PRKDC: variants seen among roughly 807,000 people sequenced by gnomAD.
PRKDC encodes the protein DNA-dependent protein kinase catalytic subunit.
PRKDC carries 82 observed loss-of-function variants against 486.9 expected under a neutral mutation model. The observed-to-expected ratio is 0.17, with a 90% CI of 0.14 to 0.20. The LOEUF (loss-of-function observed/expected upper bound fraction) is 0.20, where lower values mean the gene tolerates loss of function less well. Among genes scored for constraint, PRKDC ranks in the 10% least tolerant of loss-of-function variants. The pLI is 1.00. For missense variants in PRKDC, 4,504 were observed against 5,038.2 expected (o/e 0.89, Z 3.21); for synonymous variants, 1,895 against 1,837.0 (o/e 1.03, Z -0.81).
chr8:47,807,426 C>CT (rs892386857), intron 68 of PRKDC, 100 bp from the exon 69 acceptor site: 8,972 of 988,800 alleles, frequency 9.1e-3, no homozygotes, highest in South Asian at 0.012. Flanking sequence ...AATGTTTGTT[C>CT]TTTTTTTTTT....
chr8:47,871,554 A>C (rs1262872828), intron 40 of PRKDC, among the ~76,000 whole-genome samples: 2 of 152,236 alleles, frequency 1.3e-5, no homozygotes, highest in Non-Finnish European at 2.9e-5. Context: ...CAATACCACA[A>C]GATAAATGCT....
chr8:47,828,792 T>C (rs999452673), intron 61 of PRKDC, among the ~76,000 whole-genome samples: 6 of 152,226 alleles, frequency 3.9e-5, no homozygotes, highest in African/African-American at 1.4e-4. Flanking sequence ...ATCAGCACCA[T>C]GGTAAAGCTT....
rs563136393 is a variant in PRKDC, at chr8:47,942,965, C to T, written c.966+244G>A. On this transcript the variant is annotated intron_variant, in intron 10 of 85. Transcript: ENST00000314191. ...AGCCCTTCCGGCCATCACCTCACCA[C>T]GTCTTTGCTCCATTACACTTGTCTC... Among the ~76,000 whole-genome samples, 6 of 152,340 alleles carry T rather than the reference C, an allele frequency of 3.9e-5. No individual in the cohort carries two copies. The South Asian group carries it at 6.2e-4, about 16-fold the overall frequency.
At chr8:47,893,109 A>T in intron 31 of PRKDC, 30 bp downstream of exon 31, 1 of 1,544,110 alleles carries the variant, frequency 6.5e-7, no homozygotes, top group Non-Finnish European at 8.8e-7. Context: ...GCAGCACGAC[A>T]CACACCAGAA....
At chr8:47,774,470 C>T (rs72646391) in intron 85 of PRKDC, 93 bp from the exon 86 acceptor site, 133 of 1,161,678 alleles carry the variant, frequency 1.1e-4, no homozygotes, top group South Asian at 1.4e-4. Context: ...ACATTCCCCA[C>T]GTCATCACTC....
intron 61 of PRKDC, among the ~76,000 whole-genome samples, chr8:47,829,540 A>G (rs2087816208): frequency 1.3e-5 from 2 of 152,176 alleles, no homozygotes; most frequent in African/African-American, 4.8e-5. Flanking sequence ...ATGTATGACT[A>G]AAACATACAA....
chr8:47,920,708 C>T (rs1375062120), intron 21 of PRKDC, among the ~76,000 whole-genome samples: 1 of 152,166 alleles, frequency 6.6e-6, no homozygotes. Flanking sequence ...TTAAATATAA[C>T]ACGAACATGC....
intron 18 of PRKDC, 33 bp downstream of exon 18, chr8:47,929,820 C>A (rs758768270): frequency 1.3e-6 from 2 of 1,565,460 alleles, no homozygotes. Flanking sequence ...CCTAAAAAAA[C>A]GCAAGATTCA....
chr8:47,794,802 T>C (rs572516713), intron 73 of PRKDC, among the ~76,000 whole-genome samples: 1 of 152,378 alleles, frequency 6.6e-6, no homozygotes, highest in East Asian at 1.9e-4. Flanking sequence ...TATGTAGTAT[T>C]CCATGTTGTT....
In PRKDC at chr8:47,884,317, G is replaced by A. The variant is rs1419389160; in HGVS notation, c.4776+1627C>T. 3.3e-5 allele frequency among the ~76,000 whole-genome samples: 5 copies of A among 152,156 alleles called. No homozygotes were observed. The South Asian group carries it at 8.3e-4, about 25-fold the overall frequency. On this transcript the variant is annotated intron_variant, in intron 36 of 85. Coordinates refer to ENST00000314191, the MANE Select transcript of PRKDC (RefSeq NM_006904.7). ...TCTCAGCCTCTGCTCACCCCTGCTC[G>A]CATGTCTGCCCTGCTGGGGCTCAGC... is the stretch of plus-strand genomic sequence containing the variant.
At chr8:47,853,204 C>G (rs1021092788) in intron 51 of PRKDC, among the ~76,000 whole-genome samples, 1 of 152,212 alleles carries the variant, frequency 6.6e-6, no homozygotes, top group Non-Finnish European at 1.5e-5. Context: ...CAGGGAGCCA[C>G]CCATTCACTG....
At chr8:47,883,524 G>A (rs551323900) in intron 36 of PRKDC, among the ~76,000 whole-genome samples, 8 of 152,110 alleles carry the variant, frequency 5.3e-5, no homozygotes, top group East Asian at 1.9e-4. Context: ...CCTGCCCTCC[G>A]GAGCCAAGGC....
At chr8:47,923,998 C>A (rs932028883) in intron 21 of PRKDC, among the ~76,000 whole-genome samples, 33 of 152,144 alleles carry the variant, frequency 2.2e-4, no homozygotes, top group Non-Finnish European at 4.4e-5. Context: ...ACAAAAAAAA[C>A]CACTAGGAAA....
chr8:47,779,972 T>C (rs1413720641), intron 80 of PRKDC, among the ~76,000 whole-genome samples: 1 of 150,512 alleles, frequency 6.6e-6, no homozygotes, highest in East Asian at 1.9e-4. Flanking sequence ...TGGAGTGCAT[T>C]GGTGCAATCT....
chr8:47,914,096 C>G, intron 23 of PRKDC, 32 bp from the exon 24 acceptor site: 2 of 1,397,122 alleles, frequency 1.4e-6, no homozygotes, highest in Non-Finnish European at 1.9e-6. Context: ...GAATGAAACA[C>G]TTTTTTTCTT....
rs533300035 is a variant in PRKDC at position 47,802,790 on chromosome 8, C to A, written c.9922+516G>T. On this transcript the variant is annotated intron_variant, in intron 70 of 85. Transcript: ENST00000314191. ...GCCTCAGCCTCCCGAGTAGCTGGGA[C>A]TACAGGCGCCCACCACCATGCCTGG... Among the ~76,000 whole-genome samples, 8 of 151,962 alleles carry A rather than the reference C, an allele frequency of 5.3e-5. No homozygotes were observed. The South Asian group carries it at 1.7e-3, about 32-fold the overall frequency.
intron 40 of PRKDC, among the ~76,000 whole-genome samples, chr8:47,872,091 G>A (rs1044595405): frequency 1.3e-5 from 2 of 152,264 alleles, no homozygotes; most frequent in African/African-American, 4.8e-5. Context: ...TATAGACAGT[G>A]TAATAAGGTA....
chr8:47,849,091 G>C, intron 54 of PRKDC, 63 bp downstream of exon 54: 1 of 1,564,380 alleles, frequency 6.4e-7, no homozygotes, highest in South Asian at 1.2e-5. Flanking sequence ...AGTTGGAGAC[G>C]TCTTAATAAA....
chr8:47,781,767 G>C (rs1021147680), intron 80 of PRKDC, among the ~76,000 whole-genome samples: 4 of 152,110 alleles, frequency 2.6e-5, no homozygotes, highest in Non-Finnish European at 5.9e-5. Context: ...TGACCTTTCT[G>C]GGCCTCAGCT....
Sources: gnomAD v4.1 joint callset for allele counts (sites outside exome capture counted in the v4.1 genomes callset) on GRCh38, gnomAD v4.1.1 for gene constraint, MANE v1.5 for transcripts, NCBI Gene and HGNC (gene_info 2026-07-23, HGNC 2026-07-21) for gene names.